The following SPATA16 variants were observed in gnomAD, a reference collection of about 807,000 sequenced individuals.
The protein encoded by SPATA16 is spermatogenesis associated 16.
A neutral mutation model predicts 63.3 loss-of-function variants in SPATA16; 36 were observed. The ratio of observed to expected loss-of-function variants is 0.57; its 90% CI spans 0.44 to 0.75. SPATA16 has a LOEUF of 0.75. Ranked by LOEUF, SPATA16 falls within the 30% of genes least tolerant of loss-of-function variation. SPATA16 has a pLI of 0.00. For synonymous variants in SPATA16, 203 were observed against 216.7 expected (o/e 0.94, Z 0.56); for missense variants, 646 against 679.3 (o/e 0.95, Z 0.54).
intron 10 of SPATA16, among the ~76,000 whole-genome samples, chr3:172,899,782 CTTT>C (rs1006724995): frequency 5.4e-4 from 82 of 151,908 alleles, no homozygotes; most frequent in African/African-American, 1.9e-3. Context: ...TTTTGTATGG[CTTT>C]TTGAGTATTT....
At chr3:173,072,037 A>G (rs1736687689) in intron 2 of SPATA16, among the ~76,000 whole-genome samples, 1 of 152,228 alleles carries the variant, frequency 6.6e-6, no homozygotes, top group African/African-American at 2.4e-5. Context: ...CAGAACTACC[A>G]TTTGACCCAG....
At chr3:172,936,618 G>T (rs929093517) in intron 6 of SPATA16, among the ~76,000 whole-genome samples, 1 of 152,186 alleles carries the variant, frequency 6.6e-6, no homozygotes, top group African/African-American at 2.4e-5. Flanking sequence ...TATCAAATCT[G>T]AGAAGGGGAT....
At chr3:173,138,165 ATTC>A (rs1738603061) in intron 1 of SPATA16, among the ~76,000 whole-genome samples, 1 of 152,152 alleles carries the variant, frequency 6.6e-6, no homozygotes, top group South Asian at 2.1e-4. Context: ...ACAGCATTGA[ATTC>A]TTCTGCCTGA....
intron 2 of SPATA16, among the ~76,000 whole-genome samples, chr3:173,070,152 T>C (rs1577159142): frequency 6.6e-6 from 1 of 152,016 alleles, no homozygotes; most frequent in Admixed American, 6.6e-5. Context: ...CCCAGCACTT[T>C]GGGAGGCCAA....
chr3:172,894,701 T>C (rs1372480909), intron 10 of SPATA16, among the ~76,000 whole-genome samples: 1 of 152,196 alleles, frequency 6.6e-6, no homozygotes, highest in Non-Finnish European at 1.5e-5. Flanking sequence ...TATTAGAATG[T>C]AAGATCTTTG....
At chr3:173,052,161 T>C (rs1736115618) in intron 2 of SPATA16, among the ~76,000 whole-genome samples, 1 of 152,160 alleles carries the variant, frequency 6.6e-6, no homozygotes, top group African/African-American at 2.4e-5. Context: ...GTAGTTTCCA[T>C]GAGGACATTC....
At chr3:172,927,770 C>T (rs939761424) in intron 6 of SPATA16, among the ~76,000 whole-genome samples, 23 of 152,116 alleles carry the variant, frequency 1.5e-4, no homozygotes, top group African/African-American at 2.2e-4. Context: ...TAAAAATCGA[C>T]GGGAAACATG....
At chr3:173,045,088 C>T (rs1215915058) in intron 3 of SPATA16, among the ~76,000 whole-genome samples, 1 of 152,114 alleles carries the variant, frequency 6.6e-6, no homozygotes, top group Non-Finnish European at 1.5e-5. Flanking sequence ...TCTCTTTCCT[C>T]ACATGCATGG....
At chr3:172,998,681 G>A (rs549578060) in intron 4 of SPATA16, among the ~76,000 whole-genome samples, 1 of 151,998 alleles carries the variant, frequency 6.6e-6, no homozygotes, top group Non-Finnish European at 1.5e-5. Context: ...TAGGTTTTTT[G>A]TAGACTTTTT....
intron 5 of SPATA16, among the ~76,000 whole-genome samples, chr3:172,969,053 T>C (rs1487751324): frequency 6.6e-6 from 1 of 152,212 alleles, no homozygotes; most frequent in Admixed American, 6.5e-5. Flanking sequence ...AATTTTAATA[T>C]TGTCTAGCTC....
At chr3:172,930,190 C>T (rs189397662) in intron 6 of SPATA16, among the ~76,000 whole-genome samples, 79 of 152,332 alleles carry the variant, frequency 5.2e-4, no homozygotes, top group South Asian at 1.7e-3. Context: ...CATCACCACT[C>T]GATGAATATT....
intron 6 of SPATA16, among the ~76,000 whole-genome samples, chr3:172,948,256 A>G (rs1733340103): frequency 6.6e-6 from 1 of 152,214 alleles, no homozygotes; most frequent in Non-Finnish European, 1.5e-5. Flanking sequence ...ACAACATGCA[A>G]AAGACCTCCG....
chr3:173,092,851 G>T (rs1453846083), intron 2 of SPATA16, among the ~76,000 whole-genome samples: 2 of 152,010 alleles, frequency 1.3e-5, no homozygotes, highest in Admixed American at 6.6e-5. Context: ...TTTTCTCATT[G>T]CCTATTTGGT....
At chr3:173,074,944 G>C (rs1736756664) in intron 2 of SPATA16, among the ~76,000 whole-genome samples, 1 of 140,636 alleles carries the variant, frequency 7.1e-6, no homozygotes, top group Admixed American at 7.7e-5. Flanking sequence ...ATTGCAGTGA[G>C]CCAAGATTGC....
At chr3:172,961,731 A>G (rs1352485805) in intron 5 of SPATA16, among the ~76,000 whole-genome samples, 1 of 152,170 alleles carries the variant, frequency 6.6e-6, no homozygotes, top group East Asian at 1.9e-4. Context: ...AAAATTCTAT[A>G]GAATTTAGAA....
chr3:173,135,213 A>T (rs891257053), intron 1 of SPATA16, among the ~76,000 whole-genome samples: 1 of 152,236 alleles, frequency 6.6e-6, no homozygotes, highest in Non-Finnish European at 1.5e-5. Context: ...AAGAGTTATT[A>T]ACTCCCATTA....
At chr3:172,940,343 G>A (rs997887735) in intron 6 of SPATA16, among the ~76,000 whole-genome samples, 4 of 152,280 alleles carry the variant, frequency 2.6e-5, no homozygotes, top group Non-Finnish European at 2.9e-5. Flanking sequence ...CTAACTCTAT[G>A]TGGATAGTTA....
At chr3:173,019,612 G>A (rs1735273162) in intron 3 of SPATA16, 37 bp from the exon 4 acceptor site, 1 of 1,578,500 alleles carries the variant, frequency 6.3e-7, no homozygotes, top group Non-Finnish European at 8.7e-7. Flanking sequence ...TGTTATTTGG[G>A]TTTTAAAAGA....
In SPATA16 at chr3:173,042,575, T is replaced by A. The variant is rs566597077; in HGVS notation, c.758+6374A>T. Among the ~76,000 whole-genome samples the A allele has an allele frequency of 2.0e-5, 3 of 152,298 alleles. No individual in the cohort carries two copies. The South Asian group carries it at 6.2e-4, about 32-fold the overall frequency. The stretch of plus-strand genomic sequence containing the variant: ...AGCTTATTTCTATTACCACTGAAAA[T>A]TACCTGTATTTGTTATTGGTGGTGG... On this transcript the variant is annotated intron_variant, in intron 3 of 10. Transcript: ENST00000351008.
Sources: allele counts gnomAD v4.1 joint callset (sites outside exome capture counted in the v4.1 genomes callset), GRCh38; gene constraint gnomAD v4.1.1; transcripts MANE v1.5; gene names NCBI Gene and HGNC (gene_info 2026-07-23, HGNC 2026-07-21).